DDX19A: variants seen among roughly 807,000 people sequenced by gnomAD.
The protein encoded by DDX19A is ATP-dependent RNA helicase DDX19A.
DDX19A carries 12 observed loss-of-function variants against 60.6 expected under a neutral mutation model. The ratio of observed to expected loss-of-function variants is 0.20; its 90% CI spans 0.13 to 0.32. The LOEUF (loss-of-function observed/expected upper bound fraction) is 0.32. DDX19A is among the 10% of genes least tolerant of loss of function. DDX19A has a pLI of 1.00. For missense variants in DDX19A, 337 were observed against 600.6 expected, an observed-to-expected ratio of 0.56 and a Z score of 4.59; for synonymous variants, 206 against 218.2, an observed-to-expected ratio of 0.94 and a Z score of 0.49.
rs1056049946 is a variant in DDX19A, at chr16:70,369,102, G to A, written c.1021-1121G>A. 2.0e-5 allele frequency among the ~76,000 whole-genome samples: 3 copies of A among 151,688 alleles called. No individual in the cohort carries two copies. The East Asian group carries it at 5.8e-4, about 29-fold the overall frequency. ...GGCTAGTCTCAAACTTCTGACCTCA[G>A]GTGATCCGCCCGCCTCGGCCTCCCA... On this transcript the variant is annotated intron_variant, in intron 9 of 11. Transcript: ENST00000302243.
At chr16:70,354,418 A>G (rs996805843) in intron 2 of DDX19A, among the ~76,000 whole-genome samples, 11 of 152,198 alleles carry the variant, frequency 7.2e-5, no homozygotes, top group Non-Finnish European at 1.6e-4. Context: ...AAGTGCTGGA[A>G]TTACAGGCAT....
intron 5 of DDX19A, chr16:70,364,311 A>G: frequency 2.0e-6 from 1 of 496,456 alleles, no homozygotes. Flanking sequence ...AGAGGCTAGA[A>G]TGAGAATTTC....
chr16:70,366,035 A>G, intron 7 of DDX19A, 50 bp from the exon 8 acceptor site: 1 of 1,613,812 alleles, frequency 6.2e-7, no homozygotes, highest in Non-Finnish European at 8.5e-7. Flanking sequence ...TGATTTCCAG[A>G]GCTGGCTTTG....
chr16:70,366,988 C>T (rs1414266133), intron 9 of DDX19A, 127 bp downstream of exon 9: 15 of 1,116,778 alleles, frequency 1.3e-5, no homozygotes, highest in Non-Finnish European at 2.0e-5. Flanking sequence ...ATGTAAGAGA[C>T]AGGCTCTCCT....
Position 70,366,761 on chromosome 16 carries a change from A to G in DDX19A, c.920A>G (p.Lys307Arg), listed in dbSNP as rs1215223550. 2 of 1,614,244 alleles carry G rather than the reference A, an allele frequency of 1.2e-6. No homozygotes were observed. The highest frequency in any genetic ancestry group is 8.5e-7 in the Non-Finnish European group (1 of 1,180,048). ...GAGGAAGAGACCCTGGATACCATCA[A>G]GCAGTACTATGTCCTGTGCAGCAGC... The part of the protein sequence containing the change: ...KREEETLDTI[K>R]QYYVLCSSRD... Residue 307 changes from lysine (K) to arginine (R), a missense_variant, in exon 9 of 12, where the codon AAG becomes AGG. By Grantham distance (26) the Lys-to-Arg change is conservative. Coordinates refer to ENST00000302243, the MANE Select transcript of DDX19A (RefSeq NM_018332.5).
intron 5 of DDX19A, among the ~76,000 whole-genome samples, chr16:70,362,764 T>G (rs776816961): frequency 1.3e-5 from 2 of 151,918 alleles, no homozygotes; most frequent in African/African-American, 4.8e-5. Flanking sequence ...AACTTTTTTG[T>G]AGTTTGAGAA....
chr16:70,362,992 C>T (rs1276608977), intron 5 of DDX19A, among the ~76,000 whole-genome samples: 3 of 144,648 alleles, frequency 2.1e-5, no homozygotes, highest in South Asian at 2.2e-4. Flanking sequence ...CCAGCCTGGG[C>T]GACAGAGTAA....
At chr16:70,368,295 G>C (rs889830855) in intron 9 of DDX19A, among the ~76,000 whole-genome samples, 16 of 151,608 alleles carry the variant, frequency 1.1e-4, no homozygotes, top group Non-Finnish European at 2.2e-4. Flanking sequence ...TTGAGACCGA[G>C]TCTATCTAGC....
intron 7 of DDX19A, chr16:70,365,625 A>T (rs929590433): frequency 7.3e-5 from 15 of 206,590 alleles, no homozygotes; most frequent in South Asian, 1.5e-4. Context: ...AAATAAAAAA[A>T]AAAAAATAGC....
chr16:70,370,126 C>T, intron 9 of DDX19A, 97 bp from the exon 10 acceptor site: 1 of 1,461,042 alleles, frequency 6.8e-7, no homozygotes, highest in Non-Finnish European at 9.1e-7. Context: ...GAGCCCAGGA[C>T]TTTTTAGATC....
At chr16:70,366,958 A>G in intron 9 of DDX19A, 97 bp downstream of exon 9, 1 of 1,398,748 alleles carries the variant, frequency 7.1e-7, no homozygotes, top group Admixed American at 1.9e-5. Context: ...CCATGGAAAG[A>G]AGGGAAGTGC....
chr16:70,354,231 C>T (rs992601935), intron 2 of DDX19A, among the ~76,000 whole-genome samples: 5 of 151,702 alleles, frequency 3.3e-5, no homozygotes, highest in South Asian at 2.1e-4. Context: ...CTGCAACCTC[C>T]GCCTCCCAGG....
intron 3 of DDX19A, 116 bp downstream of exon 3, chr16:70,355,651 T>C: frequency 4.7e-6 from 4 of 846,000 alleles, no homozygotes; most frequent in African/African-American, 1.7e-5. Flanking sequence ...AGAGAAGGAA[T>C]AGTCAGTGAG....
intron 2 of DDX19A, among the ~76,000 whole-genome samples, chr16:70,351,097 T>C (rs1964001012): frequency 1.3e-5 from 2 of 151,674 alleles, no homozygotes; most frequent in African/African-American, 4.8e-5. Context: ...TTAGCCAGGA[T>C]GGTCTTGATC....
intron 1 of DDX19A, among the ~76,000 whole-genome samples, chr16:70,350,029 C>T (rs1014003719): frequency 6.6e-6 from 1 of 152,196 alleles, no homozygotes; most frequent in Non-Finnish European, 1.5e-5. Context: ...GGTGCAGTGA[C>T]TCACACCTGT....
At position 70,356,204 on chromosome 16, in the gene DDX19A, A is replaced by C. The variant is rs769302675; in HGVS notation, c.250A>C (p.Asn84His). 19 of 1,613,920 alleles carry C rather than the reference A, an allele frequency of 1.2e-5. No individual in the cohort carries two copies. In the African/African-American group the frequency reaches 1.2e-4, roughly 10 times the overall value. ...NQVEVLQRDP[N>H]SPLYSVKSFE... ...AGTGGAAGTCCTGCAACGGGATCCA[A>C]ACTCCCCTCTGTACTCGGTGAAGTC... The change falls in exon 4 of 12, where the codon AAC becomes CAC. Residue 84 changes from asparagine to histidine, a missense_variant. Around this residue, in one of 6 missense-constraint regions of DDX19A, gnomAD observed 127 missense variants for 160.3 expected, o/e 0.79. Transcript: ENST00000302243.
chr16:70,366,216 A>G lies in DDX19A; in HGVS notation c.736A>G (p.Met246Val). ...KVFVLDEADV[M>V]IATQGHQDQS... ...GTTTGTTCTGGATGAGGCTGATGTC[A>G]TGATAGCCACTCAGGGCCACCAAGA... Residue 246 changes from methionine to valine, a missense_variant, in exon 8 of 12, where the codon ATG (methionine) becomes GTG (valine). Transcript: ENST00000302243. The G allele has an allele frequency of 6.2e-7, 1 of 1,614,076 alleles. No homozygotes were observed. The highest frequency in any genetic ancestry group is 8.5e-7 in the Non-Finnish European group (1 of 1,180,010).
In DDX19A at chr16:70,346,927, T is replaced by C; in HGVS notation, c.-65T>C. The C allele has an allele frequency of 6.5e-7, 1 of 1,533,342 alleles. No homozygotes were observed. The highest frequency in any genetic ancestry group is 8.9e-7 in the Non-Finnish European group (1 of 1,126,220). The allele number at this position is 1,533,342 out of a possible 1,614,324, so 95.0% of individuals were successfully genotyped here. ...TGCATTCTCGCGCCGGTGGCGAGGT[T>C]AGGGCCCGCGTTGCGACGTGGTGCA... On this transcript the variant is annotated 5_prime_UTR_variant, in exon 1 of 12. Coordinates refer to ENST00000302243, the MANE Select transcript of DDX19A (RefSeq NM_018332.5).
intron 4 of DDX19A, chr16:70,357,025 G>C: frequency 2.9e-6 from 1 of 339,036 alleles, no homozygotes; most frequent in Non-Finnish European, 5.3e-6. Flanking sequence ...AAGGCAGGCA[G>C]ATCACAAGGT....
Sources: allele counts gnomAD v4.1 joint callset (sites outside exome capture counted in the v4.1 genomes callset), GRCh38; gene constraint gnomAD v4.1.1; regional missense constraint gnomAD v4.1.1; transcripts MANE v1.5; gene names NCBI Gene and HGNC (gene_info 2026-07-23, HGNC 2026-07-21).